The following SHISA9 variants were observed in gnomAD, a reference collection of about 807,000 sequenced individuals.
SHISA9 encodes shisa family member 9.
In SHISA9, 13 loss-of-function variants were observed where a neutral mutation model predicts 38.0. That is an observed-to-expected ratio of 0.34 (90% CI 0.22 to 0.54). The LOEUF is 0.54. Among genes scored for constraint, SHISA9 ranks in the 20% least tolerant of loss-of-function variants. SHISA9 has a pLI of 0.91. For synonymous variants in SHISA9, 275 were observed against 242.0 expected (o/e 1.14, Z -1.27); for missense variants, 538 against 575.8 (o/e 0.93, Z 0.67).
At chr16:13,373,640 T>C in the SHISA9 span, among the ~76,000 whole-genome samples, 2 of 151,862 alleles carry the variant, frequency 1.3e-5, no homozygotes, top group African/African-American at 2.4e-5. Flanking sequence ...CGGGCGCCTG[T>C]AGTCCTAGCT....
chr16:13,075,722 A>T (rs928850571), intron 2 of SHISA9, among the ~76,000 whole-genome samples: 6 of 152,190 alleles, frequency 3.9e-5, no homozygotes, highest in African/African-American at 1.2e-4. Flanking sequence ...GGTACTATTG[A>T]TTCACATTTT....
At chr16:13,326,335 A>C in the SHISA9 span, among the ~76,000 whole-genome samples, 2 of 152,190 alleles carry the variant, frequency 1.3e-5, no homozygotes, top group South Asian at 4.1e-4. Context: ...TTGACACGTA[A>C]AAGTAACTAT....
intron 2 of SHISA9, among the ~76,000 whole-genome samples, chr16:12,922,358 G>C (rs1398172242): frequency 6.6e-6 from 1 of 152,118 alleles, no homozygotes; most frequent in Non-Finnish European, 1.5e-5. Context: ...TCTGCCCCAG[G>C]GGCTTTGCAC....
At chr16:13,088,172 T>C (rs911795810) in intron 2 of SHISA9, among the ~76,000 whole-genome samples, 2 of 152,198 alleles carry the variant, frequency 1.3e-5, no homozygotes, top group African/African-American at 4.8e-5. Flanking sequence ...TTCTGTTCCA[T>C]TGGTCTATAT....
At chr16:13,393,726 T>C in the SHISA9 span, among the ~76,000 whole-genome samples, 3 of 152,118 alleles carry the variant, frequency 2.0e-5, no homozygotes, top group South Asian at 2.1e-4. Context: ...CTGATGACCA[T>C]GAGTAACTGA....
Position 13,201,476 on chromosome 16 carries a change from G to A in SHISA9, c.692-1918G>A, listed in dbSNP as rs1211666665. Among the ~76,000 whole-genome samples the A allele has an allele frequency of 6.0e-5, 8 of 134,372 alleles. 3 individuals carry two copies. Among genetic ancestry groups the A allele is most frequent in the African/African-American group, 8.8e-5 (3 of 34,044 alleles). 88.2% of individuals were successfully genotyped at this position (134,372 alleles called of 152,430 possible). A position where few individuals can be genotyped will look rare whatever the true frequency, so the allele number is the denominator to read the frequency against. On this transcript the variant is annotated intron_variant, in intron 2 of 4. Transcript: ENST00000558583. ...TTTTTCTGGGTATTTTCAATTCACA[G>A]TTGGCTGAATCCAAGGGTGTAGAAC...
At chr16:13,040,148 T>G (rs928369160) in intron 2 of SHISA9, among the ~76,000 whole-genome samples, 1 of 152,176 alleles carries the variant, frequency 6.6e-6, no homozygotes, top group African/African-American at 2.4e-5. Context: ...TAAAACCAAA[T>G]CACATCATGT....
At chr16:13,111,658 G>C (rs2073979577) in intron 2 of SHISA9, among the ~76,000 whole-genome samples, 2 of 152,002 alleles carry the variant, frequency 1.3e-5, no homozygotes, top group Admixed American at 1.3e-4. Flanking sequence ...TTTCTTTTTG[G>C]AGCTTCTATT....
At chr16:13,492,065 C>T in the SHISA9 span, among the ~76,000 whole-genome samples, 1 of 151,662 alleles carries the variant, frequency 6.6e-6, no homozygotes, top group Admixed American at 6.6e-5. Flanking sequence ...TTGTCCCTAC[C>T]CACCTCACTC....
chr16:13,490,453 T>A, the SHISA9 span, among the ~76,000 whole-genome samples: 14 of 152,136 alleles, frequency 9.2e-5, no homozygotes, highest in African/African-American at 3.4e-4. Context: ...TAGTCTCAGC[T>A]CCTTGGGAGG....
chr16:13,187,130 A>G (rs539968153), intron 2 of SHISA9, among the ~76,000 whole-genome samples: 19 of 152,054 alleles, frequency 1.2e-4, no homozygotes, highest in Middle Eastern at 3.4e-3. Context: ...CCCCCATTCC[A>G]TGTGCCCTAG....
chr16:13,257,603 T>C, the SHISA9 span, among the ~76,000 whole-genome samples: 1 of 152,210 alleles, frequency 6.6e-6, no homozygotes, highest in African/African-American at 2.4e-5. Flanking sequence ...TTGGCAGATA[T>C]TTCCTCCAGG....
the SHISA9 span, among the ~76,000 whole-genome samples, chr16:13,416,769 AGGAAG>A: frequency 1.4e-3 from 149 of 108,122 alleles, 2 homozygotes; most frequent in African/African-American, 4.5e-3. Flanking sequence ...GAAGGAAGGA[AGGAAG>A]GGAAGGAAGG....
chr16:13,163,934 A>G (rs1204517410), intron 2 of SHISA9, among the ~76,000 whole-genome samples: 2 of 152,040 alleles, frequency 1.3e-5, no homozygotes, highest in Non-Finnish European at 2.9e-5. Flanking sequence ...TAAACACAGT[A>G]TTAATTTTCC....
At chr16:13,082,862 A>G (rs2073668557) in intron 2 of SHISA9, among the ~76,000 whole-genome samples, 1 of 152,222 alleles carries the variant, frequency 6.6e-6, no homozygotes, top group African/African-American at 2.4e-5. Context: ...TCCCATCCAG[A>G]GGTGACCAAG....
intron 2 of SHISA9, among the ~76,000 whole-genome samples, chr16:12,970,351 GTGTATA>G (rs1220776893): frequency 0.013 from 583 of 44,846 alleles, 11 homozygotes; most frequent in African/African-American, 0.047. Context: ...ATACATATAT[GTGTATA>G]TATATATATA....
intron 2 of SHISA9, among the ~76,000 whole-genome samples, chr16:12,973,504 C>A (rs947645116): frequency 1.3e-5 from 2 of 152,166 alleles, no homozygotes; most frequent in African/African-American, 4.8e-5. Context: ...GACTTCAGAG[C>A]AGAGATTTGG....
chr16:13,289,306 G>A, the SHISA9 span, among the ~76,000 whole-genome samples: 190 of 148,588 alleles, frequency 1.3e-3, no homozygotes, highest in Non-Finnish European at 2.0e-3. Context: ...CTTAAGGGTG[G>A]GCAAGTGACC....
chr16:13,424,090 C>G, the SHISA9 span, among the ~76,000 whole-genome samples: 17 of 152,260 alleles, frequency 1.1e-4, no homozygotes, highest in South Asian at 3.5e-3. Flanking sequence ...ATTCACTGGC[C>G]CCACACAGTC....
Sources: allele counts gnomAD v4.1 joint callset (sites outside exome capture counted in the v4.1 genomes callset), GRCh38; gene constraint gnomAD v4.1.1; transcripts MANE v1.5; gene names NCBI Gene and HGNC (gene_info 2026-07-23, HGNC 2026-07-21).